Variants in NUDCD1 observed in about 807,000 individuals in gnomAD.
NUDCD1 encodes the protein nudC domain-containing protein 1.
A neutral mutation model predicts 67.8 loss-of-function variants in NUDCD1; 60 were observed. The observed-to-expected ratio is 0.88, with a 90% CI of 0.72 to 1.10. The LOEUF is 1.10. Among genes scored for constraint, NUDCD1 ranks in the 50% least tolerant of loss-of-function variants. The pLI is 0.00. For synonymous variants in NUDCD1, 244 were observed against 230.8 expected (o/e 1.06, Z -0.52); for missense variants, 643 against 695.0 (o/e 0.93, Z 0.84).
intron 2 of NUDCD1, among the ~76,000 whole-genome samples, chr8:109,302,238 C>A (rs915564383): frequency 5.9e-5 from 9 of 152,318 alleles, no homozygotes; most frequent in African/African-American, 2.2e-4. Context: ...GAAAACAGCA[C>A]TTTTGATTCC....
chr8:109,298,214 C>G (rs1253365190), intron 2 of NUDCD1, among the ~76,000 whole-genome samples: 1 of 152,146 alleles, frequency 6.6e-6, no homozygotes, highest in Non-Finnish European at 1.5e-5. Flanking sequence ...CAGAATCATA[C>G]CAGCATAGTA....
intron 5 of NUDCD1, among the ~76,000 whole-genome samples, chr8:109,287,209 C>CCT (rs1814595999): frequency 6.6e-6 from 1 of 152,024 alleles, no homozygotes; most frequent in Non-Finnish European, 1.5e-5. Context: ...TAATTCAGCC[C>CCT]CTGTGGAAAG....
chr8:109,258,086 C>G (rs1344657809), intron 8 of NUDCD1, among the ~76,000 whole-genome samples: 1 of 151,978 alleles, frequency 6.6e-6, no homozygotes, highest in African/African-American at 2.4e-5. Context: ...TTGCCTAATC[C>G]AAGGCCACAA....
chr8:109,320,109 C>A (rs550390215), intron 2 of NUDCD1, among the ~76,000 whole-genome samples: 1 of 152,112 alleles, frequency 6.6e-6, no homozygotes, highest in Non-Finnish European at 1.5e-5. Context: ...AGGACTGGGG[C>A]GAAATTAAAA....
At chr8:109,277,814 A>G (rs970317976) in intron 6 of NUDCD1, among the ~76,000 whole-genome samples, 1 of 152,192 alleles carries the variant, frequency 6.6e-6, no homozygotes, top group Non-Finnish European at 1.5e-5. Flanking sequence ...TGGCTTGCCA[A>G]TTTGTAAATG....
Position 109,252,573 on chromosome 8 carries a change from G to A in NUDCD1, c.1300-7092C>T, listed in dbSNP as rs183670661. ...TGCCCTCGCCAAGGTCCATAAAGAAGATCCTTTAAGTGTGAGCAACTTCCC... is the reference window on the plus strand; with the variant it reads ...TGCCCTCGCCAAGGTCCATAAAGAAAATCCTTTAAGTGTGAGCAACTTCCC... On this transcript the variant is annotated intron_variant, in intron 8 of 9. Coordinates refer to ENST00000239690, the MANE Select transcript of NUDCD1 (RefSeq NM_032869.4). Among the ~76,000 whole-genome samples, 21 of 152,270 alleles carry A rather than the reference G, an allele frequency of 1.4e-4. No individual in the cohort carries two copies. The East Asian group carries it at 3.9e-3, about 28-fold the overall frequency.
At chr8:109,260,491 C>A (rs1281599076) in intron 8 of NUDCD1, among the ~76,000 whole-genome samples, 1 of 152,150 alleles carries the variant, frequency 6.6e-6, no homozygotes, top group African/African-American at 2.4e-5. Context: ...TGAGCCACTG[C>A]GCCTGGCCCA....
intron 2 of NUDCD1, among the ~76,000 whole-genome samples, chr8:109,319,371 G>C (rs184062247): frequency 6.6e-6 from 1 of 152,146 alleles, no homozygotes; most frequent in African/African-American, 2.4e-5. Flanking sequence ...CAGCAAAAGC[G>C]AGCAACAAGA....
chr8:109,325,038 C>T (rs370945267), intron 1 of NUDCD1, among the ~76,000 whole-genome samples: 8 of 152,126 alleles, frequency 5.3e-5, no homozygotes, highest in East Asian at 1.9e-4. Flanking sequence ...TGCAGTGAGC[C>T]GAGATCGCTC....
At chr8:109,291,030 C>T (rs1188417854) in intron 4 of NUDCD1, among the ~76,000 whole-genome samples, 3 of 152,236 alleles carry the variant, frequency 2.0e-5, no homozygotes, top group Non-Finnish European at 4.4e-5. Flanking sequence ...AAGATCCAAA[C>T]ACCGACATCA....
chr8:109,321,655 A>C (rs1353809991), intron 2 of NUDCD1, among the ~76,000 whole-genome samples: 1 of 152,140 alleles, frequency 6.6e-6, no homozygotes, highest in Non-Finnish European at 1.5e-5. Context: ...ACTAGATTAA[A>C]TTAAGTATAA....
At chr8:109,315,128 T>C (rs1467145004) in intron 2 of NUDCD1, 1 of 152,170 alleles carries the variant, frequency 6.6e-6, no homozygotes, top group Admixed American at 6.5e-5. Flanking sequence ...AGTTCCTTTT[T>C]CCTTTTCCCT....
chr8:109,301,850 AG>A (rs1164452324), intron 2 of NUDCD1, among the ~76,000 whole-genome samples: 1 of 152,246 alleles, frequency 6.6e-6, no homozygotes, highest in African/African-American at 2.4e-5. Flanking sequence ...TAATCACTGC[AG>A]GGACACCTGC....
At chr8:109,314,813 T>C (rs1175650839) in intron 2 of NUDCD1, among the ~76,000 whole-genome samples, 8 of 152,074 alleles carry the variant, frequency 5.3e-5, no homozygotes, top group African/African-American at 1.9e-4. Flanking sequence ...ACATAAACTA[T>C]ATATATTTAT....
chr8:109,310,475 T>G (rs1318860103), intron 2 of NUDCD1, among the ~76,000 whole-genome samples: 2 of 152,234 alleles, frequency 1.3e-5, no homozygotes, highest in African/African-American at 4.8e-5. Flanking sequence ...CAACTCAAGA[T>G]GGATTAAGGA....
intron 3 of NUDCD1, among the ~76,000 whole-genome samples, chr8:109,295,086 T>C (rs1375773879): frequency 6.6e-6 from 1 of 152,120 alleles, no homozygotes; most frequent in Non-Finnish European, 1.5e-5. Context: ...TAGAATTAAG[T>C]TTTTAAATTT....
chr8:109,271,581 T>C (rs752103217), intron 7 of NUDCD1, among the ~76,000 whole-genome samples: 14 of 151,926 alleles, frequency 9.2e-5, no homozygotes, highest in Non-Finnish European at 1.6e-4. Flanking sequence ...TGTGGAACAA[T>C]ATCAAATGGT....
At chr8:109,255,931 C>T (rs951437986) in intron 8 of NUDCD1, among the ~76,000 whole-genome samples, 53 of 152,058 alleles carry the variant, frequency 3.5e-4, no homozygotes, top group African/African-American at 1.2e-3. Context: ...AACTAGTTGC[C>T]GGGTGCTGTG....
chr8:109,311,007 G>T (rs1815234517), intron 2 of NUDCD1, among the ~76,000 whole-genome samples: 1 of 151,752 alleles, frequency 6.6e-6, no homozygotes, highest in Admixed American at 6.6e-5. Context: ...GTAGAGATGG[G>T]GTTTCACCAT....
Sources: gnomAD v4.1 joint callset for allele counts (sites outside exome capture counted in the v4.1 genomes callset) on GRCh38, gnomAD v4.1.1 for gene constraint, MANE v1.5 for transcripts, NCBI Gene and HGNC (gene_info 2026-07-23, HGNC 2026-07-21) for gene names.